TMEM43: variants seen among roughly 807,000 people sequenced by gnomAD.
TMEM43 encodes the protein arrhythmogenic right ventricular dysplasia 5.
A neutral mutation model predicts 49.6 loss-of-function variants in TMEM43; 45 were observed. The ratio of observed to expected loss-of-function variants is 0.91; its 90% confidence interval spans 0.71 to 1.16. The LOEUF (loss-of-function observed/expected upper bound fraction) is 1.16. Among genes scored for constraint, TMEM43 ranks in the 50% most tolerant of loss-of-function variants. The probability of loss-of-function intolerance (pLI) is 0.00; values close to 1 mark genes in which losing one functional copy is unlikely to be tolerated. For synonymous variants in TMEM43, 199 were observed against 207.8 expected, an observed-to-expected ratio of 0.96 and a Z score of 0.36; for missense variants, 532 against 516.6, an observed-to-expected ratio of 1.03 and a Z score of -0.29.
chr3:14,134,667 G>A (rs889490461), intron 7 of TMEM43, 103 bp from the exon 8 acceptor site: 5 of 1,510,278 alleles, frequency 3.3e-6, no homozygotes, highest in Non-Finnish European at 4.6e-6. Context: ...AGTGCCACGT[G>A]TGCAGGCTCC....
At chr3:14,128,770 C>G (rs988240579) in intron 1 of TMEM43, 1 of 277,982 alleles carries the variant, frequency 3.6e-6, no homozygotes, top group African/African-American at 2.3e-5. Context: ...AGTTGTACTC[C>G]TAGGTATATT....
intron 2 of TMEM43, among the ~76,000 whole-genome samples, chr3:14,130,360 G>T (rs1695077092): frequency 6.6e-6 from 1 of 152,142 alleles, no homozygotes; most frequent in Non-Finnish European, 1.5e-5. Flanking sequence ...GGAGAGCCAG[G>T]CATGGAGGCT....
At position 14,142,916 on chromosome 3, in the gene TMEM43, G is replaced by T. The variant is rs916576123; in HGVS notation, c.*1121G>T. 6.6e-6 allele frequency: 1 copy of T among 152,210 alleles called. No homozygotes were observed. Among genetic ancestry groups the T allele is most frequent in the Non-Finnish European group, 1.5e-5 (1 of 68,034 alleles). 9.4% of individuals were successfully genotyped at this position (152,210 alleles called of 1,614,324 possible). A position where few individuals can be genotyped will look rare whatever the true frequency, so the allele number is the denominator to read the frequency against. ...ATGGGCTCCTTCATGGTGACGCCCCGTCAACCACAATCAAGAACTGAGGCC... is the reference window on the plus strand; with the variant it reads ...ATGGGCTCCTTCATGGTGACGCCCCTTCAACCACAATCAAGAACTGAGGCC... On this transcript the variant is annotated 3_prime_UTR_variant, in exon 12 of 12. Coordinates refer to ENST00000306077, the MANE Select transcript of TMEM43 (RefSeq NM_024334.3).
At chr3:14,125,340 C>G in intron 1 of TMEM43, 135 bp downstream of exon 1, 1 of 1,089,726 alleles carries the variant, frequency 9.2e-7, no homozygotes, top group Non-Finnish European at 1.4e-6. Flanking sequence ...CTCTGCTCGC[C>G]GTGTCTGTGC....
At chr3:14,131,054 A>C in intron 3 of TMEM43, 98 bp downstream of exon 3, 1 of 1,477,264 alleles carries the variant, frequency 6.8e-7, no homozygotes, top group Non-Finnish European at 9.2e-7. Flanking sequence ...GGAGATGGTC[A>C]CACATGGGAG....
At chr3:14,130,781 A>G (rs1004115336) in intron 2 of TMEM43, 41 bp from the exon 3 acceptor site, 3 of 1,605,632 alleles carry the variant, frequency 1.9e-6, no homozygotes, top group Non-Finnish European at 2.6e-6. Flanking sequence ...ATGCTGAGCC[A>G]CCCCTGAGCT....
chr3:14,141,095 A>G (rs1358839659), intron 11 of TMEM43, among the ~76,000 whole-genome samples: 1 of 152,204 alleles, frequency 6.6e-6, no homozygotes, highest in Non-Finnish European at 1.5e-5. Flanking sequence ...GCTTAGGCTA[A>G]TTTATTTCCT....
chr3:14,139,104 C>A (rs1028651287), intron 10 of TMEM43, 76 bp from the exon 11 acceptor site: 1 of 1,061,018 alleles, frequency 9.4e-7, no homozygotes, highest in Non-Finnish European at 1.5e-6. Flanking sequence ...TGGTACAGCC[C>A]CCTCAGGACC....
At chr3:14,125,315 T>C (rs1695003351) in intron 1 of TMEM43, 110 bp downstream of exon 1, 1 of 1,333,580 alleles carries the variant, frequency 7.5e-7, no homozygotes, top group South Asian at 1.3e-5. Context: ...TCCGTGCGGC[T>C]AGGCCCGCAT....
Position 14,143,244 on chromosome 3 carries a change from T to TA in TMEM43, c.*1450dup, listed in dbSNP as rs1377632359. ...TTGTGCCTGCTGGGAGTAATTCCTTTAGCAATTAAGTATTTGGTAGCTGAA... is the reference window on the plus strand; with the variant it reads ...TTGTGCCTGCTGGGAGTAATTCCTTTAAGCAATTAAGTATTTGGTAGCTGAA... On this transcript the variant is annotated 3_prime_UTR_variant, in exon 12 of 12. Coordinates refer to ENST00000306077, the MANE Select transcript of TMEM43 (RefSeq NM_024334.3). 1.3e-5 allele frequency: 2 copies of TA among 152,258 alleles called. No homozygotes were observed. Among genetic ancestry groups the TA allele is most frequent in the African/African-American group, 2.4e-5 (1 of 41,464 alleles). The allele number at this position is 152,258 out of a possible 1,614,324, so 9.4% of individuals were successfully genotyped here. A position where few individuals can be genotyped will look rare whatever the true frequency, so the allele number is the denominator to read the frequency against.
At position 14,131,571 on chromosome 3, in the gene TMEM43, T is replaced by C; in HGVS notation, c.298-9T>C. On this transcript the variant is annotated splice_polypyrimidine_tract_variant and intron_variant, in intron 3 of 11. Transcript: ENST00000306077. ...TTTATTTTTTTGGTTTCTTTGATTC[T>C]GTTTGAAGCTTTTGTCTGATCCAAA... 6.2e-7 allele frequency: 1 copy of C among 1,613,586 alleles called. No homozygotes were observed. The highest frequency in any genetic ancestry group is 8.5e-7 in the Non-Finnish European group (1 of 1,179,474).
At chr3:14,128,249 G>A (rs1268115185) in intron 1 of TMEM43, among the ~76,000 whole-genome samples, 1 of 152,102 alleles carries the variant, frequency 6.6e-6, no homozygotes, top group East Asian at 1.9e-4. Context: ...CCCAAATCAT[G>A]CCTCTGTTAT....
intron 2 of TMEM43, among the ~76,000 whole-genome samples, chr3:14,130,617 G>A (rs550010527): frequency 3.3e-5 from 5 of 152,318 alleles, no homozygotes; most frequent in African/African-American, 1.2e-4. Context: ...CAATGGGGCA[G>A]TAGGAAGAAG....
In TMEM43 at chr3:14,132,893, A is replaced by G; in HGVS notation, c.470A>G (p.Asn157Ser). 1 of 1,614,088 alleles carries G rather than the reference A, an allele frequency of 6.2e-7. No homozygotes were observed. The highest frequency in any genetic ancestry group is 8.5e-7 in the Non-Finnish European group (1 of 1,179,976). The change falls in exon 6 of 12, where the codon AAC becomes AGC. Residue 157 changes from asparagine (N) to serine (S), a missense_variant. Asn to Ser is a conservative substitution (Grantham distance 46). Coordinates refer to ENST00000306077, the MANE Select transcript of TMEM43 (RefSeq NM_024334.3). Reference sequence around the variant, plus strand: ...ACTGAATGGAGGTCAGAAATCATCAACAGCAAAAACTTCGACCGAGAGATT... The same window carrying G: ...ACTGAATGGAGGTCAGAAATCATCAGCAGCAAAAACTTCGACCGAGAGATT... ...YNTEWRSEII[N>S]SKNFDREIGH...
At chr3:14,135,288 C>A in intron 9 of TMEM43, 56 bp downstream of exon 9, 2 of 1,443,560 alleles carry the variant, frequency 1.4e-6, no homozygotes. Flanking sequence ...CTTTCCTGGA[C>A]ACAGACACCT....
At chr3:14,132,464 T>G in intron 4 of TMEM43, 82 bp from the exon 5 acceptor site, 1 of 1,488,280 alleles carries the variant, frequency 6.7e-7, no homozygotes, top group Non-Finnish European at 9.4e-7. Flanking sequence ...AGCCCTGAGG[T>G]TGCTTCCTGC....
chr3:14,125,082 C>A lies in TMEM43; in HGVS notation c.-112C>A. 7.1e-7 allele frequency: 1 copy of A among 1,409,998 alleles called. No individual in the cohort carries two copies. Among genetic ancestry groups the A allele is most frequent in the Non-Finnish European group, 9.8e-7 (1 of 1,018,022 alleles). 87.3% of individuals were successfully genotyped at this position (1,409,998 alleles called of 1,614,324 possible). A position where few individuals can be genotyped will look rare whatever the true frequency, so the allele number is the denominator to read the frequency against. On this transcript the variant is annotated 5_prime_UTR_variant, in exon 1 of 12. Coordinates refer to ENST00000306077, the MANE Select transcript of TMEM43 (RefSeq NM_024334.3). ...AAGTCCCGCTTGGCCCTGGAGTCCA[C>A]GCGGATTTTCGAAGCTGGGGCTGGC... is the stretch of plus-strand genomic sequence containing the variant.
At chr3:14,130,010 C>CCCCT (rs551840073) in intron 2 of TMEM43, among the ~76,000 whole-genome samples, 2 of 149,354 alleles carry the variant, frequency 1.3e-5, no homozygotes, top group African/African-American at 2.5e-5. Context: ...TCCTTTCTTT[C>CCCCT]CCCTCCCTCC....
chr3:14,139,247 T>C lies in TMEM43; in HGVS notation c.950T>C (p.Met317Thr). ...TGGGGCCTGCGGGCAGCTGGCTGGA[T>C]GGCCATGTTCATGGGCCTCAACCTT... ...KTWGLRAAGWMAMFMGLNLMT... is the reference protein window; with the variant it reads ...KTWGLRAAGWTAMFMGLNLMT... Residue 317 changes from methionine (M) to threonine (T), a missense_variant, in exon 11 of 12, where the codon ATG becomes ACG. Transcript: ENST00000306077. The C allele has an allele frequency of 1.9e-6, 3 of 1,614,220 alleles. No homozygotes were observed. Among genetic ancestry groups the C allele is most frequent in the Non-Finnish European group, 2.5e-6 (3 of 1,180,032 alleles).
Sources: allele counts gnomAD v4.1 joint callset (sites outside exome capture counted in the v4.1 genomes callset), GRCh38; gene constraint gnomAD v4.1.1; transcripts MANE v1.5; gene names NCBI Gene and HGNC (gene_info 2026-07-23, HGNC 2026-07-21).